The following THSD7B variants were observed in gnomAD, a reference collection of about 807,000 sequenced individuals.
THSD7B encodes the protein thrombospondin type-1 domain-containing protein 7B.
THSD7B carries 138 observed loss-of-function variants against 213.6 expected under a neutral mutation model. The ratio of observed to expected loss-of-function variants is 0.65; its 90% CI spans 0.56 to 0.74. THSD7B has a LOEUF of 0.74. THSD7B is among the 30% of genes least tolerant of loss of function. The pLI, the probability that THSD7B is intolerant of heterozygous loss-of-function variation, is 0.00. For missense variants in THSD7B, 1,931 were observed against 1,991.5 expected (o/e 0.97, Z 0.58); for synonymous variants, 742 against 687.0 (o/e 1.08, Z -1.25).
At chr2:137,384,446 C>T (rs889643453) in intron 12 of THSD7B, among the ~76,000 whole-genome samples, 1 of 152,142 alleles carries the variant, frequency 6.6e-6, no homozygotes, top group African/African-American at 2.4e-5. Flanking sequence ...CTCTGTTAGA[C>T]AGAAGGGATT....
chr2:136,979,285 C>T (rs1247775556), intron 2 of THSD7B, among the ~76,000 whole-genome samples: 1 of 151,946 alleles, frequency 6.6e-6, no homozygotes, highest in Non-Finnish European at 1.5e-5. Flanking sequence ...TTGATCTTCT[C>T]ATGGAATACC....
chr2:137,615,106 A>G (rs965449831), intron 17 of THSD7B, among the ~76,000 whole-genome samples: 1 of 152,162 alleles, frequency 6.6e-6, no homozygotes, highest in African/African-American at 2.4e-5. Flanking sequence ...TATAATTGAT[A>G]TTAAGACTTT....
At chr2:136,941,625 C>T (rs1684829410) in intron 2 of THSD7B, among the ~76,000 whole-genome samples, 1 of 152,176 alleles carries the variant, frequency 6.6e-6, no homozygotes, top group Non-Finnish European at 1.5e-5. Flanking sequence ...AGCATTTTGT[C>T]ATGTGACTGT....
At chr2:136,961,212 T>C (rs1297265024) in intron 2 of THSD7B, among the ~76,000 whole-genome samples, 4 of 142,452 alleles carry the variant, frequency 2.8e-5, no homozygotes, top group Non-Finnish European at 6.0e-5. Flanking sequence ...TATTGACATG[T>C]ATTTTTCTTT....
intron 1 of THSD7B, among the ~76,000 whole-genome samples, 186 bp downstream of exon 1, chr2:136,765,873 C>T (rs746080916): frequency 6.6e-6 from 1 of 152,218 alleles, no homozygotes; most frequent in Admixed American, 6.5e-5. Context: ...CGGATCTTCT[C>T]GGACGCCTCT....
chr2:137,305,745 A>G (rs1683726238), intron 12 of THSD7B, among the ~76,000 whole-genome samples: 1 of 152,166 alleles, frequency 6.6e-6, no homozygotes, highest in Admixed American at 6.5e-5. Flanking sequence ...GTGTCACTTA[A>G]TGACAGGGAT....
In THSD7B at chr2:137,288,792, A is replaced by T. The variant is rs934440461; in HGVS notation, c.2500+12766A>T. Among the ~76,000 whole-genome samples, 15 of 145,280 alleles carry T rather than the reference A, an allele frequency of 1.0e-4. No individual in the cohort carries two copies. The East Asian group carries it at 1.4e-3, about 13-fold the overall frequency. On this transcript the variant is annotated intron_variant, in intron 12 of 27. Transcript: ENST00000409968. ...CAAGAATAAGTATTTCTAGAAACAT[A>T]ATATATATATATATATATATTAGAA...
intron 1 of THSD7B, among the ~76,000 whole-genome samples, chr2:136,853,562 A>G (rs1683131853): frequency 6.6e-6 from 1 of 152,196 alleles, no homozygotes; most frequent in African/African-American, 2.4e-5. Flanking sequence ...AACCTGGTCA[A>G]GATGGTGCCT....
intron 12 of THSD7B, among the ~76,000 whole-genome samples, chr2:137,330,969 A>G (rs1026468327): frequency 1.3e-5 from 2 of 152,182 alleles, no homozygotes; most frequent in Non-Finnish European, 2.9e-5. Context: ...CAGATTAGTT[A>G]GATACAGAGT....
intron 5 of THSD7B, among the ~76,000 whole-genome samples, chr2:137,120,671 C>T (rs1688529839): frequency 6.6e-6 from 1 of 152,110 alleles, no homozygotes; most frequent in Non-Finnish European, 1.5e-5. Context: ...AGCCATTTCT[C>T]CCCAGGTTAT....
intron 2 of THSD7B, among the ~76,000 whole-genome samples, chr2:137,035,154 C>T (rs960702829): frequency 6.6e-6 from 1 of 152,084 alleles, no homozygotes; most frequent in South Asian, 2.1e-4. Flanking sequence ...TTATCGTTTC[C>T]CTTTTTTTGG....
chr2:136,971,328 G>T (rs1250826076), intron 2 of THSD7B, among the ~76,000 whole-genome samples: 1 of 151,962 alleles, frequency 6.6e-6, no homozygotes. Context: ...TTATGGTTCT[G>T]GCATAATCAT....
At position 137,405,609 on chromosome 2, in the gene THSD7B, T is replaced by G. The variant is rs1558786309; in HGVS notation, c.2501-4T>G. ...ATAACAAAAGAATTCATGCTTTTTT[T>G]CAGCTGTCTCATGCATCTCTGATGA... is the stretch of plus-strand genomic sequence containing the variant. On this transcript the variant is annotated splice_region_variant and splice_polypyrimidine_tract_variant and intron_variant, in intron 12 of 27. Coordinates refer to ENST00000409968, the MANE Select transcript of THSD7B (RefSeq NM_001316349.2). The G allele has an allele frequency of 1.3e-6, 2 of 1,581,722 alleles. No homozygotes were observed. The highest frequency in any genetic ancestry group is 1.7e-6 in the Non-Finnish European group (2 of 1,164,352).
At chr2:137,061,310 A>G (rs138144031) in intron 3 of THSD7B, among the ~76,000 whole-genome samples, 114 of 151,520 alleles carry the variant, frequency 7.5e-4, no homozygotes, top group Non-Finnish European at 7.7e-4. Context: ...GCAAAAAAAA[A>G]AGGAAAAATT....
At chr2:137,160,718 G>A in intron 6 of THSD7B, among the ~76,000 whole-genome samples, 1 of 152,138 alleles carries the variant, frequency 6.6e-6, no homozygotes, top group East Asian at 1.9e-4. Flanking sequence ...CTGCCTCCTG[G>A]GTTCAAACTA....
At chr2:136,867,261 G>T (rs1448276434) in intron 1 of THSD7B, among the ~76,000 whole-genome samples, 2 of 152,138 alleles carry the variant, frequency 1.3e-5, no homozygotes, top group African/African-American at 4.8e-5. Flanking sequence ...TATGACCTTG[G>T]CTGTCCCTAA....
chr2:137,482,957 C>T (rs1275586470), intron 15 of THSD7B, among the ~76,000 whole-genome samples: 1 of 152,150 alleles, frequency 6.6e-6, no homozygotes, highest in East Asian at 1.9e-4. Flanking sequence ...GGTACTCTGA[C>T]TGTTAGGAAA....
intron 27 of THSD7B, among the ~76,000 whole-genome samples, chr2:137,675,219 T>C (rs1386826716): frequency 6.6e-6 from 1 of 151,840 alleles, no homozygotes; most frequent in Non-Finnish European, 1.5e-5. Context: ...AGAGTTGCCT[T>C]TTGGCACGAT....
At chr2:136,918,696 T>C (rs775811364) in intron 2 of THSD7B, among the ~76,000 whole-genome samples, 6 of 152,230 alleles carry the variant, frequency 3.9e-5, no homozygotes, top group Non-Finnish European at 8.8e-5. Context: ...GAATTGGAGT[T>C]GCCAAGACCA....
Sources: gnomAD v4.1 joint callset for allele counts (sites outside exome capture counted in the v4.1 genomes callset) on GRCh38, gnomAD v4.1.1 for gene constraint, MANE v1.5 for transcripts, NCBI Gene and HGNC (gene_info 2026-07-23, HGNC 2026-07-21) for gene names.